The following OSBPL10 variants were observed in gnomAD, a reference collection of about 807,000 sequenced individuals.
OSBPL10 encodes the protein oxysterol-binding protein-related protein 10.
In OSBPL10, 49 loss-of-function variants were observed where a neutral mutation model predicts 81.7. The ratio of observed to expected loss-of-function variants is 0.60; its 90% CI spans 0.48 to 0.76. The LOEUF (loss-of-function observed/expected upper bound fraction) is 0.76, where lower values mean the gene tolerates loss of function less well. Among genes scored for constraint, OSBPL10 ranks in the 30% least tolerant of loss-of-function variants. The pLI, the probability that OSBPL10 is intolerant of heterozygous loss-of-function variation, is 0.00. For missense variants in OSBPL10, 923 were observed against 987.8 expected (o/e 0.93, Z 0.88); for synonymous variants, 419 against 383.6 (o/e 1.09, Z -1.08).
At chr3:31,782,006 A>G (rs1043531968) in intron 4 of OSBPL10, among the ~76,000 whole-genome samples, 6 of 152,214 alleles carry the variant, frequency 3.9e-5, no homozygotes, top group Non-Finnish European at 8.8e-5. Flanking sequence ...AAGCAAGACT[A>G]GGCAACAAGA....
intron 4 of OSBPL10, among the ~76,000 whole-genome samples, chr3:31,809,515 G>T (rs1199124025): frequency 6.6e-6 from 1 of 152,176 alleles, no homozygotes; most frequent in African/African-American, 2.4e-5. Context: ...TAAATTTAAT[G>T]CACTCCGAAT....
intron 1 of OSBPL10, among the ~76,000 whole-genome samples, chr3:31,903,202 A>T (rs1321011765): frequency 6.6e-6 from 1 of 152,208 alleles, no homozygotes; most frequent in Non-Finnish European, 1.5e-5. Context: ...CATAACAAAA[A>T]TTCATGCCTT....
In OSBPL10 at chr3:31,747,886, T is replaced by C. The variant is rs7613915; in HGVS notation, c.940+24A>G. 30,956 of 1,609,890 alleles carry C rather than the reference T, an allele frequency of 0.019. 4,085 individuals are homozygous for C. In the African/African-American group the frequency reaches 0.32, roughly 17 times the overall value. ...ACAGTGTGTGTACTCATCCCAAACATGGACAAGCCCCCGGGGGTCTTACCC... is the reference window on the plus strand; with the variant it reads ...ACAGTGTGTGTACTCATCCCAAACACGGACAAGCCCCCGGGGGTCTTACCC... On this transcript the variant is annotated intron_variant, in intron 5 of 11. Coordinates refer to ENST00000396556, the MANE Select transcript of OSBPL10 (RefSeq NM_017784.5).
At chr3:32,054,583 G>A (rs747368012) in intron 1 of OSBPL10, among the ~76,000 whole-genome samples, 15 of 139,474 alleles carry the variant, frequency 1.1e-4, no homozygotes, top group Admixed American at 3.2e-4. Flanking sequence ...CCAGGCTGGA[G>A]TGCAATGGCA....
At chr3:31,815,428 A>G (rs945757781) in intron 4 of OSBPL10, among the ~76,000 whole-genome samples, 2 of 152,262 alleles carry the variant, frequency 1.3e-5, no homozygotes, top group African/African-American at 4.8e-5. Context: ...TTAATATAAA[A>G]GTAGAAGCAA....
At chr3:31,720,865 G>T (rs1415413917) in intron 6 of OSBPL10, among the ~76,000 whole-genome samples, 1 of 120,334 alleles carries the variant, frequency 8.3e-6, no homozygotes, top group East Asian at 2.7e-4. Context: ...CTGGGCAACA[G>T]AGCGAGACTC....
At position 31,663,942 on chromosome 3, in the gene OSBPL10, G is replaced by A. The variant is rs1700122426; in HGVS notation, c.2250+137C>T. 3.8e-6 allele frequency: 6 copies of A among 1,586,358 alleles called. No individual in the cohort carries two copies. In the African/African-American group the frequency reaches 5.4e-5, roughly 14 times the overall value. ...GAAGCCTTGTCCAAAGCTGGAGTCA[G>A]AACCGAGCTGCCCTAGTCCATCCCT... On this transcript the variant is annotated intron_variant, in intron 11 of 11. Transcript: ENST00000396556.
intron 7 of OSBPL10, 133 bp from the exon 8 acceptor site, chr3:31,684,247 G>A (rs924444447): frequency 1.3e-5 from 16 of 1,198,602 alleles, no homozygotes; most frequent in African/African-American, 7.7e-5. Flanking sequence ...GTTTTGACTT[G>A]TGCACACATG....
Position 31,989,652 on chromosome 3 carries a change from G to A in OSBPL10, n.298+56839C>T, listed in dbSNP as rs111849538. On this transcript the variant is annotated intron_variant and non_coding_transcript_variant, in intron 2 of 3. Transcript: ENST00000479173. Reference sequence around the variant, plus strand: ...TCAACGATGCTTCCTCAGTTCTAACGTCCCAAAGAATTTCTTCTAGGCCCA... The same window carrying A: ...TCAACGATGCTTCCTCAGTTCTAACATCCCAAAGAATTTCTTCTAGGCCCA... 2,476 of 1,614,036 alleles carry A rather than the reference G, an allele frequency of 1.5e-3. 45 individuals are homozygous for A. In the African/African-American group the frequency reaches 0.029, roughly 19 times the overall value.
At chr3:32,049,362 C>T (rs1699651658) in intron 1 of OSBPL10, among the ~76,000 whole-genome samples, 1 of 152,048 alleles carries the variant, frequency 6.6e-6, no homozygotes, top group South Asian at 2.1e-4. Flanking sequence ...ACTCCTGACC[C>T]CAAGGACATA....
chr3:31,723,051 TAG>T (rs1483874520), intron 6 of OSBPL10, among the ~76,000 whole-genome samples: 2 of 152,208 alleles, frequency 1.3e-5, no homozygotes, highest in Non-Finnish European at 2.9e-5. Context: ...CCAAAAAAGT[TAG>T]AGTTTCCTTC....
intron 1 of OSBPL10, among the ~76,000 whole-genome samples, chr3:31,881,161 T>C (rs1695566796): frequency 6.6e-6 from 1 of 152,218 alleles, no homozygotes; most frequent in South Asian, 2.1e-4. Context: ...TGTGTGATTA[T>C]CTGATTCAAT....
intron 4 of OSBPL10, among the ~76,000 whole-genome samples, chr3:31,814,565 A>G (rs1255333062): frequency 1.3e-5 from 2 of 152,190 alleles, no homozygotes; most frequent in African/African-American, 2.4e-5. Flanking sequence ...AGCTGGAGTG[A>G]TGCGTCTATG....
intron 1 of OSBPL10, among the ~76,000 whole-genome samples, chr3:31,912,755 T>A (rs1033726694): frequency 2.0e-5 from 3 of 152,128 alleles, no homozygotes; most frequent in Non-Finnish European, 4.4e-5. Context: ...CCTTGGAAGA[T>A]ACACTACCCA....
At chr3:31,681,311 C>A (rs574564277) in intron 8 of OSBPL10, among the ~76,000 whole-genome samples, 90 of 152,320 alleles carry the variant, frequency 5.9e-4, no homozygotes, top group African/African-American at 2.0e-3. Context: ...GAGTTGCCAT[C>A]TTACCTATGC....
At chr3:31,903,443 C>G (rs1007631173) in intron 1 of OSBPL10, among the ~76,000 whole-genome samples, 1 of 151,816 alleles carries the variant, frequency 6.6e-6, no homozygotes, top group African/African-American at 2.4e-5. Context: ...AACCTTCCAC[C>G]TCAGACTTCT....
At chr3:32,069,396 T>C (rs1423371908) in intron 1 of OSBPL10, among the ~76,000 whole-genome samples, 1 of 152,004 alleles carries the variant, frequency 6.6e-6, no homozygotes, top group East Asian at 1.9e-4. Context: ...TCCCCAGGTA[T>C]AGCTAGGCGA....
At chr3:31,860,341 G>A (rs1701028098) in intron 3 of OSBPL10, among the ~76,000 whole-genome samples, 1 of 152,162 alleles carries the variant, frequency 6.6e-6, no homozygotes, top group Admixed American at 6.5e-5. Flanking sequence ...TGTAAAAAAG[G>A]AAAGAATTAA....
chr3:31,911,285 T>A (rs1217750975), intron 1 of OSBPL10, among the ~76,000 whole-genome samples: 1 of 152,006 alleles, frequency 6.6e-6, no homozygotes, highest in East Asian at 1.9e-4. Flanking sequence ...CAGACCAGAG[T>A]AAACAAATGG....
Sources: allele counts gnomAD v4.1 joint callset (sites outside exome capture counted in the v4.1 genomes callset), GRCh38; gene constraint gnomAD v4.1.1; transcripts MANE v1.5; gene names NCBI Gene and HGNC (gene_info 2026-07-23, HGNC 2026-07-21).